GRID2: variants seen among roughly 807,000 people sequenced by gnomAD.
GRID2 encodes the protein glutamate receptor ionotropic, delta-2.
GRID2 carries 33 observed loss-of-function variants against 114.8 expected under a neutral mutation model. The observed-to-expected ratio is 0.29, with a 90% CI of 0.22 to 0.38. The LOEUF is 0.38. Ranked by LOEUF, GRID2 falls within the 10% of genes least tolerant of loss-of-function variation. GRID2 has a pLI of 1.00. For missense variants in GRID2, 1,184 were observed against 1,257.7 expected (o/e 0.94, Z 0.89); for synonymous variants, 505 against 449.9 (o/e 1.12, Z -1.55).
intron 4 of GRID2, among the ~76,000 whole-genome samples, chr4:93,139,386 T>G (rs1735554499): frequency 6.6e-6 from 1 of 152,162 alleles, no homozygotes; most frequent in African/African-American, 2.4e-5. Context: ...CTGAACCTCC[T>G]GAAGTCAGAG....
chr4:93,314,958 C>A (rs1437478112), intron 8 of GRID2, among the ~76,000 whole-genome samples: 1 of 151,936 alleles, frequency 6.6e-6, no homozygotes, highest in Non-Finnish European at 1.5e-5. Context: ...TGTTTTCTTG[C>A]TGCTATAAAA....
chr4:93,586,673 A>G (rs1737567075), intron 13 of GRID2, among the ~76,000 whole-genome samples: 1 of 152,130 alleles, frequency 6.6e-6, no homozygotes, highest in South Asian at 2.1e-4. Context: ...CTACTGAGCC[A>G]GTTCATGATG....
chr4:92,620,805 G>A (rs1730233521), intron 2 of GRID2, among the ~76,000 whole-genome samples: 1 of 150,746 alleles, frequency 6.6e-6, no homozygotes, highest in Non-Finnish European at 1.5e-5. Context: ...GGTGGGGGGA[G>A]TGGGGAGGGA....
At chr4:93,532,799 G>A (rs1019585684) in intron 13 of GRID2, among the ~76,000 whole-genome samples, 3 of 152,060 alleles carry the variant, frequency 2.0e-5, no homozygotes, top group Non-Finnish European at 4.4e-5. Flanking sequence ...CAATCTAGCT[G>A]TTTTTTAGAA....
At chr4:92,522,178 G>C (rs971255706) in intron 1 of GRID2, among the ~76,000 whole-genome samples, 3 of 151,836 alleles carry the variant, frequency 2.0e-5, no homozygotes, top group Non-Finnish European at 4.4e-5. Context: ...GAGATAGCCA[G>C]GCAGATATTT....
At chr4:92,891,200 G>T (rs1003411728) in intron 2 of GRID2, among the ~76,000 whole-genome samples, 1 of 152,046 alleles carries the variant, frequency 6.6e-6, no homozygotes, top group Non-Finnish European at 1.5e-5. Context: ...AACCATAATG[G>T]CACGTGTATA....
intron 2 of GRID2, among the ~76,000 whole-genome samples, chr4:92,771,488 T>C (rs941551794): frequency 6.6e-6 from 1 of 152,214 alleles, no homozygotes; most frequent in African/African-American, 2.4e-5. Flanking sequence ...TTATTTTCTG[T>C]ATTTCATCCC....
chr4:93,781,892 C>A (rs1011692077), intron 1 of GRID2, among the ~76,000 whole-genome samples: 1 of 152,120 alleles, frequency 6.6e-6, no homozygotes, highest in African/African-American at 2.4e-5. Flanking sequence ...GTTAAGATTT[C>A]TTTCACCCTC....
At chr4:93,259,920 G>A (rs1303966719) in intron 8 of GRID2, among the ~76,000 whole-genome samples, 1 of 151,712 alleles carries the variant, frequency 6.6e-6, no homozygotes, top group African/African-American at 2.4e-5. Flanking sequence ...ACACTTAAAT[G>A]AGTAAGAAGA....
At chr4:93,057,185 T>TGTGA (rs1422993170) in intron 2 of GRID2, among the ~76,000 whole-genome samples, 2 of 151,688 alleles carry the variant, frequency 1.3e-5, no homozygotes, top group Non-Finnish European at 2.9e-5. Flanking sequence ...TGTGTGTGTG[T>TGTGA]GTTAGAAAGA....
chr4:92,505,873 T>C (rs897718949), intron 1 of GRID2, among the ~76,000 whole-genome samples: 4 of 151,990 alleles, frequency 2.6e-5, no homozygotes, highest in African/African-American at 9.7e-5. Flanking sequence ...ATAAGTTATA[T>C]ATTCTACCAC....
At chr4:92,542,888 GTTC>G (rs1216253540) in intron 1 of GRID2, among the ~76,000 whole-genome samples, 1 of 152,076 alleles carries the variant, frequency 6.6e-6, no homozygotes, top group Non-Finnish European at 1.5e-5. Context: ...AGTAGACCCT[GTTC>G]TTCTAAATAA....
At chr4:93,407,737 T>G in intron 9 of GRID2, among the ~76,000 whole-genome samples, 2 of 124,888 alleles carry the variant, frequency 1.6e-5, no homozygotes, top group African/African-American at 6.6e-5. Context: ...CTCCTCCTCC[T>G]CCTCCTCCTC....
At chr4:92,469,803 A>G (rs928633206) in intron 1 of GRID2, among the ~76,000 whole-genome samples, 1 of 152,006 alleles carries the variant, frequency 6.6e-6, no homozygotes, top group African/African-American at 2.4e-5. Flanking sequence ...GATGAGAGAT[A>G]CTTGGAAGAA....
chr4:92,599,867 A>T (rs1198655436), intron 2 of GRID2, among the ~76,000 whole-genome samples: 1 of 151,482 alleles, frequency 6.6e-6, no homozygotes, highest in South Asian at 2.1e-4. Context: ...TCTACCTAAA[A>T]TACAAAAATT....
At chr4:92,414,172 A>G (rs1221029533) in intron 1 of GRID2, among the ~76,000 whole-genome samples, 1 of 152,192 alleles carries the variant, frequency 6.6e-6, no homozygotes, top group African/African-American at 2.4e-5. Flanking sequence ...TTACTGTCTG[A>G]GACAATAGCT....
At chr4:92,387,136 A>C (rs2110252233) in intron 1 of GRID2, among the ~76,000 whole-genome samples, 1 of 152,080 alleles carries the variant, frequency 6.6e-6, no homozygotes, top group African/African-American at 2.4e-5. Flanking sequence ...CAATTATACT[A>C]ATGTAATTCA....
chr4:93,116,223 C>T (rs950474244), intron 4 of GRID2, among the ~76,000 whole-genome samples: 1 of 152,094 alleles, frequency 6.6e-6, no homozygotes. Flanking sequence ...TGTAAAAGTT[C>T]GTTCACTATT....
chr4:93,089,299 C>T (rs1466067232), intron 3 of GRID2, among the ~76,000 whole-genome samples: 2 of 152,052 alleles, frequency 1.3e-5, no homozygotes, highest in African/African-American at 4.8e-5. Flanking sequence ...CCTCAGAATT[C>T]CAACATACTA....
Sources: gnomAD v4.1 joint callset for allele counts (sites outside exome capture counted in the v4.1 genomes callset) on GRCh38, gnomAD v4.1.1 for gene constraint, MANE v1.5 for transcripts, NCBI Gene and HGNC (gene_info 2026-07-23, HGNC 2026-07-21) for gene names.